Variants in AGBL4 observed in about 807,000 individuals in gnomAD.
AGBL4 encodes AGBL carboxypeptidase 4.
Under a neutral mutation model 66.4 loss-of-function variants are expected in AGBL4, and 58 were observed. The observed-to-expected ratio is 0.87, with a 90% CI of 0.71 to 1.09. The LOEUF is 1.09. AGBL4 is among the 50% of genes least tolerant of loss of function. AGBL4 has a pLI of 0.00. For missense variants in AGBL4, 579 were observed against 631.0 expected (o/e 0.92, Z 0.88); for synonymous variants, 234 against 222.9 (o/e 1.05, Z -0.44).
Position 48,587,052 on chromosome 1 carries a change from A to G in AGBL4, c.1219T>C (p.Tyr407His). ...GCAGCCGTGGTGCCACTGATGATGT[A>G]GCTGTAGAAGGAGACCTCTAGGGTG... ...CYTLEVSFYSYIISGTTAAVP... is the reference protein window; with the variant it reads ...CYTLEVSFYSHIISGTTAAVP... The change falls in exon 11 of 14, where the codon TAC becomes CAC. Residue 407 changes from tyrosine (Y) to histidine (H), a missense_variant. Tyr to His is a moderately conservative substitution (Grantham distance 83). Transcript: ENST00000371839. The G allele has an allele frequency of 6.2e-7, 1 of 1,608,388 alleles. No homozygotes were observed. Among genetic ancestry groups the G allele is most frequent in the Non-Finnish European group, 8.5e-7 (1 of 1,177,626 alleles).
rs183653421 is a variant in AGBL4 at position 49,499,740 on chromosome 1, T to C, written c.282+197573A>G. On this transcript the variant is annotated intron_variant, in intron 3 of 13. Transcript: ENST00000371839. ...GTATTCATATATATATATATATATA[T>C]ACACACATATGCACATATCACATTT... 1.2e-3 allele frequency among the ~76,000 whole-genome samples: 175 copies of C among 151,050 alleles called. 1 individual carries two copies. Among genetic ancestry groups the C allele is most frequent in the South Asian group, 5.2e-3 (25 of 4,782 alleles).
At chr1:49,060,284 C>T (rs778650119) in intron 4 of AGBL4, among the ~76,000 whole-genome samples, 4 of 152,130 alleles carry the variant, frequency 2.6e-5, no homozygotes, top group Non-Finnish European at 5.9e-5. Context: ...CAGCACTTCT[C>T]CTTCCTGCCA....
At chr1:49,663,315 T>G (rs1437338640) in intron 3 of AGBL4, among the ~76,000 whole-genome samples, 1 of 152,206 alleles carries the variant, frequency 6.6e-6, no homozygotes, top group Admixed American at 6.6e-5. Context: ...GACATGTTGC[T>G]GTGCAACTAA....
chr1:49,399,267 C>T lies in AGBL4; in HGVS notation c.283-153403G>A, dbSNP rs376322763. ...CTGTTTATGGGCATGTGGGTTGCTTCCAAATCTTAGCTATTGTGAATAGTG... is the reference window on the plus strand; with the variant it reads ...CTGTTTATGGGCATGTGGGTTGCTTTCAAATCTTAGCTATTGTGAATAGTG... On this transcript the variant is annotated intron_variant, in intron 3 of 13. Coordinates refer to ENST00000371839, the MANE Select transcript of AGBL4 (RefSeq NM_032785.4). Among the ~76,000 whole-genome samples, 53 of 152,220 alleles carry T rather than the reference C, an allele frequency of 3.5e-4. 1 individual carries two copies. The South Asian group carries it at 9.7e-3, about 28-fold the overall frequency.
At chr1:49,035,117 T>C (rs144204290) in intron 5 of AGBL4, among the ~76,000 whole-genome samples, 157 of 152,234 alleles carry the variant, frequency 1.0e-3, no homozygotes, top group African/African-American at 3.6e-3. Context: ...ACTGGTGAAA[T>C]CTGAATACAG....
chr1:48,852,015 CTTTTTTTTTTTTT>C (rs138826187), intron 6 of AGBL4, among the ~76,000 whole-genome samples: 2 of 71,932 alleles, frequency 2.8e-5, no homozygotes, highest in Non-Finnish European at 5.4e-5. Flanking sequence ...CAGATACGTA[CTTTTTTTTTTTTT>C]TTTTTTTTTT....
chr1:48,739,058 T>C (rs753996988), intron 6 of AGBL4, among the ~76,000 whole-genome samples: 1 of 152,204 alleles, frequency 6.6e-6, no homozygotes, highest in Admixed American at 6.5e-5. Context: ...GTGGTACTGA[T>C]GTAGATCAAA....
At chr1:48,862,436 C>T (rs554538472) in intron 6 of AGBL4, among the ~76,000 whole-genome samples, 1 of 152,304 alleles carries the variant, frequency 6.6e-6, no homozygotes, top group East Asian at 1.9e-4. Context: ...ATTCTCCTGC[C>T]TCAGCCTCCC....
At chr1:49,858,009 TCAA>T (rs1015336227) in intron 1 of AGBL4, among the ~76,000 whole-genome samples, 3 of 151,668 alleles carry the variant, frequency 2.0e-5, no homozygotes, top group East Asian at 3.9e-4. Context: ...CTCAAAAAAC[TCAA>T]CAACAACAAA....
intron 3 of AGBL4, among the ~76,000 whole-genome samples, chr1:49,318,098 A>G (rs1349497239): frequency 1.3e-5 from 2 of 152,032 alleles, no homozygotes; most frequent in African/African-American, 4.8e-5. Flanking sequence ...AATGACAGAA[A>G]AGTATATTTA....
intron 2 of AGBL4, among the ~76,000 whole-genome samples, chr1:49,730,095 G>A (rs1649322649): frequency 6.6e-6 from 1 of 152,116 alleles, no homozygotes; most frequent in Non-Finnish European, 1.5e-5. Flanking sequence ...TAAAAACCCT[G>A]GACTCAGCCA....
At chr1:49,988,429 C>T (rs1169133214) in intron 1 of AGBL4, among the ~76,000 whole-genome samples, 2 of 152,122 alleles carry the variant, frequency 1.3e-5, no homozygotes, top group African/African-American at 4.8e-5. Flanking sequence ...CTATATTACC[C>T]AGGGCTTTGC....
At chr1:49,553,481 T>C (rs1653135117) in intron 3 of AGBL4, among the ~76,000 whole-genome samples, 1 of 152,184 alleles carries the variant, frequency 6.6e-6, no homozygotes, top group Non-Finnish European at 1.5e-5. Flanking sequence ...TAGTCTATAA[T>C]AGTTTTTGTT....
At chr1:48,625,121 C>A (rs1282075198) in intron 9 of AGBL4, among the ~76,000 whole-genome samples, 1 of 148,716 alleles carries the variant, frequency 6.7e-6, no homozygotes, top group East Asian at 2.0e-4. Flanking sequence ...TCCTTCCTTC[C>A]TTCCTTCCTT....
intron 4 of AGBL4, among the ~76,000 whole-genome samples, chr1:49,230,306 T>C (rs1050425429): frequency 6.6e-6 from 1 of 152,186 alleles, no homozygotes; most frequent in East Asian, 1.9e-4. Context: ...CTATATTTAG[T>C]AAGAATTTTA....
At chr1:49,894,868 A>C (rs1051606659) in intron 1 of AGBL4, among the ~76,000 whole-genome samples, 1 of 152,182 alleles carries the variant, frequency 6.6e-6, no homozygotes, top group African/African-American at 2.4e-5. Flanking sequence ...AAGTAATAAT[A>C]GTAGTTTCCA....
At chr1:49,070,475 A>T (rs1404563834) in intron 4 of AGBL4, among the ~76,000 whole-genome samples, 2 of 151,978 alleles carry the variant, frequency 1.3e-5, no homozygotes, top group Non-Finnish European at 2.9e-5. Flanking sequence ...CCTTTTCTGC[A>T]TCTATTGAGC....
chr1:49,494,276 GT>G (rs531356460), intron 3 of AGBL4, among the ~76,000 whole-genome samples: 1,764 of 146,240 alleles, frequency 0.012, 30 homozygotes, highest in African/African-American at 0.038. Flanking sequence ...TTTGCCTTGA[GT>G]TTTTTTTTTT....
At position 49,503,651 on chromosome 1, in the gene AGBL4, T is replaced by A. The variant is rs1007740032; in HGVS notation, c.282+193662A>T. On this transcript the variant is annotated intron_variant, in intron 3 of 13. Transcript: ENST00000371839. ...AATCAGGTGACCTGGATGTGAGACATGGAGTCAAAGAAGATCATTTTGGAG... is the reference window on the plus strand; with the variant it reads ...AATCAGGTGACCTGGATGTGAGACAAGGAGTCAAAGAAGATCATTTTGGAG... Among the ~76,000 whole-genome samples the A allele has an allele frequency of 3.9e-5, 6 of 152,168 alleles. No homozygotes were observed. In the South Asian group the frequency reaches 8.3e-4, roughly 21 times the overall value.
Sources: allele counts gnomAD v4.1 joint callset (sites outside exome capture counted in the v4.1 genomes callset), GRCh38; gene constraint gnomAD v4.1.1; transcripts MANE v1.5; gene names NCBI Gene and HGNC (gene_info 2026-07-23, HGNC 2026-07-21).